RBM44: variants seen among roughly 807,000 people sequenced by gnomAD.
The protein encoded by RBM44 is RNA-binding protein 44.
A neutral mutation model predicts 105.1 loss-of-function variants in RBM44; 66 were observed. The observed-to-expected ratio is 0.63, with a 90% CI of 0.52 to 0.77. RBM44 has a LOEUF of 0.77. Among genes scored for constraint, RBM44 ranks in the 30% least tolerant of loss-of-function variants. The pLI is 0.00. For missense variants in RBM44, 1,122 were observed against 1,207.8 expected (o/e 0.93, Z 1.05); for synonymous variants, 365 against 417.6 (o/e 0.87, Z 1.54).
chr2:237,808,692 C>G (rs1026213883), intron 1 of RBM44, among the ~76,000 whole-genome samples: 4 of 152,072 alleles, frequency 2.6e-5, no homozygotes, highest in African/African-American at 7.2e-5. Context: ...GTGAAAAGGT[C>G]TAACATAAGT....
At chr2:237,823,635 A>T in intron 9 of RBM44, 81 bp downstream of exon 9, 1 of 645,002 alleles carries the variant, frequency 1.6e-6, no homozygotes, top group Non-Finnish European at 2.7e-6. Context: ...TTATTCATTA[A>T]ATAAAAATAA....
At chr2:237,834,715 A>T (rs561412687) in intron 15 of RBM44, 102 of 178,092 alleles carry the variant, frequency 5.7e-4, no homozygotes, top group Middle Eastern at 2.7e-3. Context: ...TGCAGTCAAG[A>T]TGTTGGCCTG....
Position 237,818,832 on chromosome 2 carries a change from T to C in RBM44, c.1678-69T>C, listed in dbSNP as rs553123917. 4.5e-4 allele frequency: 401 copies of C among 898,834 alleles called. 1 individual carries two copies. In the African/African-American group the frequency reaches 5.9e-3, roughly 13 times the overall value. The allele number at this position is 898,834 out of a possible 1,614,324, so 55.7% of individuals were successfully genotyped here. On this transcript the variant is annotated intron_variant, in intron 3 of 15. Coordinates refer to ENST00000316997, the MANE Select transcript of RBM44 (RefSeq NM_001080504.3). This position sits in a 1 kb window ranked among gnomAD's most constrained non-coding sequence, Gnocchi z 4.6. ...CCCACAAAATCCATTAGAAATTGAATTGTACATTTTATTAGTTTGGAATTT... is the reference window on the plus strand; with the variant it reads ...CCCACAAAATCCATTAGAAATTGAACTGTACATTTTATTAGTTTGGAATTT...
chr2:237,814,615 T>C (rs576286411), intron 2 of RBM44, among the ~76,000 whole-genome samples: 2 of 152,192 alleles, frequency 1.3e-5, no homozygotes, highest in Admixed American at 1.3e-4. Flanking sequence ...TGTGATACTA[T>C]AATAATTAAA....
chr2:237,814,787 TACG>T (rs2061696860), intron 2 of RBM44, among the ~76,000 whole-genome samples: 3 of 152,152 alleles, frequency 2.0e-5, no homozygotes, highest in African/African-American at 7.2e-5. Flanking sequence ...CAAATGGTAT[TACG>T]ACAATTGACC....
At chr2:237,820,551 A>G (rs1402618653) in intron 5 of RBM44, 200 bp downstream of exon 5, 18 of 399,936 alleles carry the variant, frequency 4.5e-5, no homozygotes, top group Middle Eastern at 1.3e-3. Flanking sequence ...TGATGAATCC[A>G]GTGAAAACAT....
rs1346466108 is a variant in RBM44 at position 237,833,852 on chromosome 2, T to G, written c.2887-145T>G. 12 of 420,696 alleles carry G rather than the reference T, an allele frequency of 2.9e-5. No individual in the cohort carries two copies. In the East Asian group the frequency reaches 4.1e-4, roughly 14 times the overall value. 26.1% of individuals were successfully genotyped at this position (420,696 alleles called of 1,614,324 possible). A position where few individuals can be genotyped will look rare whatever the true frequency, so the allele number is the denominator to read the frequency against. On this transcript the variant is annotated intron_variant, in intron 13 of 15. Coordinates refer to ENST00000316997, the MANE Select transcript of RBM44 (RefSeq NM_001080504.3). The stretch of plus-strand genomic sequence containing the variant: ...ACAGCTCAAGTAAATGCAATTGGTA[T>G]AAACAATCCCAAGTTAAAGTAAATT...
rs558237794 is a variant in RBM44 at position 237,834,162 on chromosome 2, T to G, written c.3032+20T>G. Reference sequence around the variant, plus strand: ...CAGCAGGTAATAACCAAAATTATATTTTAACTGCTTTAAAACTTCTGTGTA... The same window carrying G: ...CAGCAGGTAATAACCAAAATTATATGTTAACTGCTTTAAAACTTCTGTGTA... On this transcript the variant is annotated intron_variant, in intron 14 of 15. Transcript: ENST00000316997. 1 of 1,540,866 alleles carries G rather than the reference T, an allele frequency of 6.5e-7. No individual in the cohort carries two copies. Among genetic ancestry groups the G allele is most frequent in the Non-Finnish European group, 8.8e-7 (1 of 1,142,688 alleles).
intron 15 of RBM44, among the ~76,000 whole-genome samples, chr2:237,836,987 T>C (rs536976364): frequency 1.1e-4 from 17 of 152,136 alleles, no homozygotes; most frequent in African/African-American, 3.9e-4. Flanking sequence ...TCAGCCTCCC[T>C]CAGTAGCTGG....
At position 237,817,808 on chromosome 2, in the gene RBM44, A is replaced by T; in HGVS notation, c.889A>T (p.Ser297Cys). 1 of 1,612,340 alleles carries T rather than the reference A, an allele frequency of 6.2e-7. No homozygotes were observed. Among genetic ancestry groups the T allele is most frequent in the Non-Finnish European group, 8.5e-7 (1 of 1,179,172 alleles). The stretch of plus-strand genomic sequence containing the variant: ...AATGTACCACACTGTATTTGATGGC[A>T]GTGTACTAAGAAGCAATTCTCCAGG... The part of the protein sequence containing the change: ...NSMYHTVFDG[S>C]VLRSNSPGNQ... Residue 297 changes from serine to cysteine, a missense_variant, in exon 3 of 16, where the codon AGT becomes TGT. Physicochemically the swap from Ser to Cys is moderately radical, Grantham distance 112 (BLOSUM62 -1). Coordinates refer to ENST00000316997, the MANE Select transcript of RBM44 (RefSeq NM_001080504.3).
rs1197219611 is a variant in RBM44 at position 237,834,345 on chromosome 2, A to G, written c.3100A>G (p.Ile1034Val). The change falls in exon 15 of 16, where the codon ATT becomes GTT. Residue 1034 changes from isoleucine (I) to valine (V), a missense_variant. By Grantham distance (29) the Ile-to-Val change is conservative. This residue lies in a region of RBM44 where 194 missense variants were observed against 225.5 expected (regional missense o/e 0.86). Transcript: ENST00000316997. The part of the protein sequence containing the change: ...RHKGFLNGLS[I>V]TTIVEMTSSL... ...TAAAGGTTTTCTGAATGGCTTATCTATTACTACTATTGTGGAGATGACTTC... is the reference window on the plus strand; with the variant it reads ...TAAAGGTTTTCTGAATGGCTTATCTGTTACTACTATTGTGGAGATGACTTC... 8.3e-6 allele frequency: 13 copies of G among 1,560,926 alleles called. No individual in the cohort carries two copies. Among genetic ancestry groups the G allele is most frequent in the Admixed American group, 1.9e-5 (1 of 51,950 alleles).
At chr2:237,835,820 T>C (rs575299873) in intron 15 of RBM44, among the ~76,000 whole-genome samples, 9 of 152,042 alleles carry the variant, frequency 5.9e-5, no homozygotes, top group African/African-American at 1.9e-4. Flanking sequence ...CCCTGAGCAG[T>C]GTACACTATA....
intron 15 of RBM44, among the ~76,000 whole-genome samples, chr2:237,836,453 T>C (rs745575731): frequency 3.1e-4 from 47 of 152,092 alleles, no homozygotes; most frequent in Non-Finnish European, 5.1e-4. Flanking sequence ...CTACAGTAGG[T>C]GCATGCCACC....
Position 237,817,284 on chromosome 2 carries a change from A to G in RBM44, c.365A>G (p.Lys122Arg). The G allele has an allele frequency of 6.2e-7, 1 of 1,607,748 alleles. No homozygotes were observed. The highest frequency in any genetic ancestry group is 8.5e-7 in the Non-Finnish European group (1 of 1,176,938). The change falls in exon 3 of 16, where the codon AAG becomes AGG. Residue 122 changes from lysine to arginine, a missense_variant. Coordinates refer to ENST00000316997, the MANE Select transcript of RBM44 (RefSeq NM_001080504.3). ...YSIPYSESKLKKESLTPLSSE... is the reference protein window; with the variant it reads ...YSIPYSESKLRKESLTPLSSE... The stretch of plus-strand genomic sequence containing the variant: ...ATACCTTATTCAGAGTCAAAACTAA[A>G]GAAGGAAAGTCTTACTCCTTTAAGT...
chr2:237,820,814 G>A (rs2150980740), intron 5 of RBM44: 1 of 326,038 alleles, frequency 3.1e-6, no homozygotes, highest in Non-Finnish European at 5.5e-6. Flanking sequence ...TTGGGAAGCT[G>A]AGGCAGGAGA....
chr2:237,822,803 T>G (rs1259103119), intron 8 of RBM44, among the ~76,000 whole-genome samples: 1 of 152,020 alleles, frequency 6.6e-6, no homozygotes, highest in African/African-American at 2.4e-5. Flanking sequence ...GATTTTAAGT[T>G]GAGATTTATT....
At position 237,824,420 on chromosome 2, in the gene RBM44, G is replaced by A; in HGVS notation, c.2449+1G>A. ...ACATGGAATTTGGATCTTACAGGAG[G>A]TTGGTTCTCAAGAATTTACCGAGAA... is the stretch of plus-strand genomic sequence containing the variant. On this transcript the variant is annotated splice_donor_variant, in intron 10 of 15. Transcript: ENST00000316997. LOFTEE classifies it high-confidence loss of function. The A allele has an allele frequency of 1.2e-6, 2 of 1,611,378 alleles. No individual in the cohort carries two copies. The highest frequency in any genetic ancestry group is 1.7e-6 in the Non-Finnish European group (2 of 1,178,490).
chr2:237,808,701 G>A (rs1307367230), intron 1 of RBM44, among the ~76,000 whole-genome samples: 1 of 152,062 alleles, frequency 6.6e-6, no homozygotes, highest in Non-Finnish European at 1.5e-5. Context: ...TCTAACATAA[G>A]TTCAACTGGA....
In RBM44 at chr2:237,834,306, G is replaced by A; in HGVS notation, c.3061G>A (p.Val1021Met). The A allele has an allele frequency of 6.3e-7, 1 of 1,581,192 alleles. No individual in the cohort carries two copies. Among genetic ancestry groups the A allele is most frequent in the Non-Finnish European group, 8.6e-7 (1 of 1,163,040 alleles). Residue 1021 changes from valine to methionine, a missense_variant, in exon 15 of 16, where the codon GTG becomes ATG. Physicochemically the swap from Val to Met is conservative, Grantham distance 21. Around this residue, in one of 3 missense-constraint regions of RBM44, gnomAD observed 194 missense variants for 225.5 expected, o/e 0.86. Transcript: ENST00000316997. ...CCATATTATAAATGCACTTCAGGAA[G>A]TGAGAATAAGACATAAAGGTTTTCT... ...RDHIINALQE[V>M]RIRHKGFLNG...
Sources: gnomAD v4.1 joint callset for allele counts (sites outside exome capture counted in the v4.1 genomes callset) on GRCh38, gnomAD v4.1.1 for gene constraint, gnomAD v4.1.1 regional missense constraint, Gnocchi (gnomAD v3.1) non-coding constraint, MANE v1.5 for transcripts, NCBI Gene and HGNC (gene_info 2026-07-23, HGNC 2026-07-21) for gene names.